Variants in CCNB3 observed in about 807,000 individuals in gnomAD.
The protein encoded by CCNB3 is G2/mitotic-specific cyclin-B3.
Under a neutral mutation model 68.0 loss-of-function variants are expected in CCNB3, and 12 were observed. That is an observed-to-expected ratio of 0.18 (90% CI 0.11 to 0.29). The LOEUF (loss-of-function observed/expected upper bound fraction) is 0.29, where lower values mean the gene tolerates loss of function less well. Ranked by LOEUF, CCNB3 falls within the 10% of genes least tolerant of loss-of-function variation. The probability of loss-of-function intolerance (pLI) is 1.00; values close to 1 mark genes in which losing one functional copy is unlikely to be tolerated. For synonymous variants in CCNB3, 354 were observed against 388.9 expected (o/e 0.91, Z 1.06); for missense variants, 904 against 993.1 (o/e 0.91, Z 1.21).
intron 11 of CCNB3, among the ~76,000 whole-genome samples, chrX:50,350,758 C>A (rs370658701): frequency 1.9e-5 from 2 of 108,096 alleles, no homozygotes; most frequent in African/African-American, 6.8e-5. Flanking sequence ...TGCAGTGGTG[C>A]GATCATAGTT....
intron 8 of CCNB3, among the ~76,000 whole-genome samples, chrX:50,324,834 C>T (rs1557217096): frequency 9.0e-6 from 1 of 111,710 alleles, no homozygotes; most frequent in Non-Finnish European, 1.9e-5. Flanking sequence ...TCTCAATAAT[C>T]TGCAGTTGCA....
intron 3 of CCNB3, 128 bp downstream of exon 3, chrX:50,285,387 C>T: frequency 1.9e-6 from 1 of 516,358 alleles, no homozygotes; most frequent in Non-Finnish European, 3.3e-6. Flanking sequence ...GGAGGGGTGG[C>T]AGCCCTTGTA....
chrX:50,289,600 G>A (rs1936311305), intron 4 of CCNB3, among the ~76,000 whole-genome samples: 1 of 111,765 alleles, frequency 8.9e-6, no homozygotes, highest in South Asian at 3.8e-4. Context: ...TGCTTACCAT[G>A]TGTCAGGCAC....
intron 3 of CCNB3, among the ~76,000 whole-genome samples, chrX:50,286,736 G>C (rs750405387): frequency 8.3e-5 from 9 of 108,073 alleles, no homozygotes; most frequent in Non-Finnish European, 1.9e-5. Context: ...TGCAACCTCT[G>C]CCTCCCAGGT....
intron 8 of CCNB3, among the ~76,000 whole-genome samples, chrX:50,322,400 A>T (rs1162400303): frequency 4.5e-5 from 5 of 111,198 alleles, no homozygotes; most frequent in African/African-American, 1.6e-4. Flanking sequence ...TCCCTTCCTT[A>T]TACCTTATAC....
chrX:50,349,637 C>T (rs1384176295), intron 11 of CCNB3, among the ~76,000 whole-genome samples: 3 of 112,162 alleles, frequency 2.7e-5, no homozygotes. Flanking sequence ...TCCATTACCC[C>T]CTTGTGTTAC....
At chrX:50,294,477 A>G (rs1395357121) in intron 4 of CCNB3, among the ~76,000 whole-genome samples, 1 of 111,469 alleles carries the variant, frequency 9.0e-6, no homozygotes, top group Non-Finnish European at 1.9e-5. Context: ...AGTCAATCAT[A>G]CTGCCTTTTT....
chrX:50,310,318 A>G lies in CCNB3; in HGVS notation c.2149A>G (p.Ser717Gly), dbSNP rs141738796. ...LKNLLALQEK[S>G]TMEEESLINK... ...GAACTTGTTGGCTTTGCAGGAGAAA[A>G]GCACCATGGAAGAAGAGTCCCTTAT... The change falls in exon 6 of 13, where the codon AGC becomes GGC. Residue 717 changes from serine to glycine, a missense_variant. Around this residue, in one of 2 missense-constraint regions of CCNB3, gnomAD observed 619 missense variants for 609.8 expected, o/e 1.02. Transcript: ENST00000376042. 36 of 1,210,651 alleles carry G rather than the reference A, an allele frequency of 3.0e-5. No homozygotes were observed. Among genetic ancestry groups the G allele is most frequent in the Non-Finnish European group, 3.5e-5 (31 of 895,241 alleles).
At chrX:50,226,165 T>A (rs1421814932) in intron 1 of CCNB3, among the ~76,000 whole-genome samples, 1 of 72,715 alleles carries the variant, frequency 1.4e-5, no homozygotes, top group Non-Finnish European at 2.4e-5. Flanking sequence ...TGAATATATA[T>A]CGAATATACA....
intron 8 of CCNB3, among the ~76,000 whole-genome samples, chrX:50,327,232 G>A (rs1922338095): frequency 8.9e-6 from 1 of 112,162 alleles, no homozygotes; most frequent in Non-Finnish European, 1.9e-5. Flanking sequence ...CATATCATGT[G>A]AAGAATAGTT....
At chrX:50,290,995 G>A (rs967748251) in intron 4 of CCNB3, among the ~76,000 whole-genome samples, 1 of 111,541 alleles carries the variant, frequency 9.0e-6, no homozygotes, top group African/African-American at 3.3e-5. Context: ...CTGGGTTTTG[G>A]AGGTTCCCTA....
In CCNB3 at chrX:50,300,490, T is replaced by G. The variant is rs868941391; in HGVS notation, c.335+5497T>G. Among the ~76,000 whole-genome samples, 8 of 112,181 alleles carry G rather than the reference T, an allele frequency of 7.1e-5. No homozygotes were observed. In the South Asian group the frequency reaches 3.0e-3, roughly 42 times the overall value. ...ACTCTCTTCCGGCTTGTAGAGTTTC[T>G]GCCGAGAGATCTGCTGTAAGTCTGA... is the stretch of plus-strand genomic sequence containing the variant. On this transcript the variant is annotated intron_variant, in intron 5 of 12. Transcript: ENST00000376042.
intron 1 of CCNB3, among the ~76,000 whole-genome samples, chrX:50,279,694 A>G (rs1228979389): frequency 1.1e-5 from 1 of 90,429 alleles, no homozygotes; most frequent in Middle Eastern, 0.017. Flanking sequence ...CTATGCAAAC[A>G]TATATGTGAA....
chrX:50,217,967 G>T (rs1404361031), intron 1 of CCNB3, among the ~76,000 whole-genome samples: 2 of 111,523 alleles, frequency 1.8e-5, no homozygotes, highest in Non-Finnish European at 3.8e-5. Flanking sequence ...CTGGGTAAAA[G>T]GGTTCAAACA....
Position 50,342,149 on chromosome X carries a change from C to T in CCNB3, c.3517-53C>T, listed in dbSNP as rs781842618. 1.9e-5 allele frequency: 23 copies of T among 1,200,363 alleles called. No individual in the cohort carries two copies. In the African/African-American group the frequency reaches 3.0e-4, roughly 16 times the overall value. On this transcript the variant is annotated intron_variant, in intron 8 of 12. Coordinates refer to ENST00000376042, the MANE Select transcript of CCNB3 (RefSeq NM_033031.3). Reference sequence around the variant, plus strand: ...CCAGGTAGCTAGATCTGTCTGGAGGCGACTTTGGAGCTGGACAATATGCAG... The same window carrying T: ...CCAGGTAGCTAGATCTGTCTGGAGGTGACTTTGGAGCTGGACAATATGCAG...
intron 8 of CCNB3, among the ~76,000 whole-genome samples, chrX:50,336,914 T>C (rs961798915): frequency 6.3e-5 from 7 of 111,638 alleles, no homozygotes; most frequent in Admixed American, 2.9e-4. Context: ...GAGCAGCTGG[T>C]GGCAATCAGC....
chrX:50,346,230 A>T (rs1371212516), intron 9 of CCNB3, among the ~76,000 whole-genome samples: 1 of 111,883 alleles, frequency 8.9e-6, no homozygotes, highest in Non-Finnish European at 1.9e-5. Flanking sequence ...CATTCCCTAC[A>T]CTAGGACACA....
At chrX:50,336,603 C>T (rs1922866040) in intron 8 of CCNB3, among the ~76,000 whole-genome samples, 1 of 112,288 alleles carries the variant, frequency 8.9e-6, no homozygotes, top group Middle Eastern at 4.6e-3. Context: ...CGGTAAGCCT[C>T]ACACAGTCGT....
intron 9 of CCNB3, 22 bp from the exon 10 acceptor site, chrX:50,346,630 C>T: frequency 8.4e-7 from 1 of 1,194,571 alleles, no homozygotes; most frequent in Non-Finnish European, 1.1e-6. Flanking sequence ...TGGTTGTCAC[C>T]TCCTCTCCTC....
Sources: allele counts gnomAD v4.1 joint callset (sites outside exome capture counted in the v4.1 genomes callset), GRCh38; gene constraint gnomAD v4.1.1; regional missense constraint gnomAD v4.1.1; transcripts MANE v1.5; gene names NCBI Gene and HGNC (gene_info 2026-07-23, HGNC 2026-07-21).